Variants in DOCK5 observed in about 807,000 individuals in gnomAD.
The protein encoded by DOCK5 is dedicator of cytokinesis protein 5.
DOCK5 carries 142 observed loss-of-function variants against 251.8 expected under a neutral mutation model. That is an observed-to-expected ratio of 0.56 (90% confidence interval 0.49 to 0.65). The LOEUF (loss-of-function observed/expected upper bound fraction) is 0.65, where lower values mean the gene tolerates loss of function less well. Ranked by LOEUF, DOCK5 falls within the 30% of genes least tolerant of loss-of-function variation. The pLI, the probability that DOCK5 is intolerant of heterozygous loss-of-function variation, is 0.00. For synonymous variants in DOCK5, 842 were observed against 835.5 expected (o/e 1.01, Z -0.13); for missense variants, 2,111 against 2,312.3 (o/e 0.91, Z 1.79).
intron 34 of DOCK5, among the ~76,000 whole-genome samples, chr8:25,371,266 G>A (rs751553082): frequency 6.6e-6 from 1 of 152,112 alleles, no homozygotes; most frequent in Non-Finnish European, 1.5e-5. Context: ...TGGCCAGGGT[G>A]GTCTCCATCT....
chr8:25,190,913 A>G lies in DOCK5; in HGVS notation c.43+5962A>G, dbSNP rs571725185. ...ATTCTCCTGCCTCAGCCTCCCGCAT[A>G]GCTGTGACTACAGGCGCCCGCCACT... On this transcript the variant is annotated intron_variant, in intron 1 of 51. Transcript: ENST00000276440. Among the ~76,000 whole-genome samples, 10 of 151,354 alleles carry G rather than the reference A, an allele frequency of 6.6e-5. No homozygotes were observed. The East Asian group carries it at 1.8e-3, about 27-fold the overall frequency.
chr8:25,401,405 T>C (rs973159344), intron 47 of DOCK5, among the ~76,000 whole-genome samples: 6 of 152,180 alleles, frequency 3.9e-5, no homozygotes, highest in Non-Finnish European at 7.4e-5. Context: ...ATATTGATGC[T>C]GCTGGTCTGG....
intron 8 of DOCK5, among the ~76,000 whole-genome samples, chr8:25,299,645 G>A (rs1804709057): frequency 6.6e-6 from 1 of 152,112 alleles, no homozygotes; most frequent in Admixed American, 6.5e-5. Flanking sequence ...GAGAGAATAT[G>A]TTATGGGACT....
chr8:25,320,201 C>T (rs1266155897), intron 15 of DOCK5, among the ~76,000 whole-genome samples: 1 of 152,142 alleles, frequency 6.6e-6, no homozygotes, highest in East Asian at 1.9e-4. Context: ...GGTATCAGGG[C>T]CCAAACTAGA....
At chr8:25,359,796 C>T (rs1046263798) in intron 28 of DOCK5, among the ~76,000 whole-genome samples, 1 of 152,208 alleles carries the variant, frequency 6.6e-6, no homozygotes, top group African/African-American at 2.4e-5. Context: ...TTGGGGACTC[C>T]TGCTTTACAA....
intron 1 of DOCK5, among the ~76,000 whole-genome samples, chr8:25,226,258 CTTTTTT>C (rs1179597860): frequency 1.7e-5 from 2 of 116,946 alleles, no homozygotes; most frequent in Non-Finnish European, 3.4e-5. Flanking sequence ...GTATAGGCTG[CTTTTTT>C]TTTTTTTTTT....
intron 2 of DOCK5, among the ~76,000 whole-genome samples, chr8:25,251,608 G>T (rs978391482): frequency 2.0e-5 from 3 of 152,188 alleles, no homozygotes; most frequent in African/African-American, 7.2e-5. Context: ...TGTGAGTAGG[G>T]ACAGTGGGCA....
chr8:25,279,108 C>T (rs536293562), intron 5 of DOCK5, among the ~76,000 whole-genome samples: 4 of 152,140 alleles, frequency 2.6e-5, no homozygotes, highest in Non-Finnish European at 5.9e-5. Flanking sequence ...GGCTCAGCTG[C>T]ATGAGGATGA....
At chr8:25,393,337 C>T (rs1801293211) in intron 44 of DOCK5, among the ~76,000 whole-genome samples, 1 of 152,204 alleles carries the variant, frequency 6.6e-6, no homozygotes, top group Admixed American at 6.5e-5. Context: ...TTATTTCCCA[C>T]CTCCTCATTG....
At chr8:25,224,338 C>T (rs1355303498) in intron 1 of DOCK5, among the ~76,000 whole-genome samples, 2 of 152,084 alleles carry the variant, frequency 1.3e-5, no homozygotes, top group East Asian at 1.9e-4. Context: ...AGGCTGGTCT[C>T]GAACTCCTGG....
At chr8:25,275,549 C>A in intron 4 of DOCK5, 108 bp downstream of exon 4, 2 of 1,147,096 alleles carry the variant, frequency 1.7e-6, no homozygotes, top group Non-Finnish European at 2.5e-6. Context: ...GTTCTCTCAT[C>A]TCAGGCCAGG....
intron 11 of DOCK5, chr8:25,304,825 G>C (rs145525974): frequency 6.5e-6 from 1 of 152,706 alleles, no homozygotes; most frequent in Non-Finnish European, 1.5e-5. Context: ...CTGTAGCGAG[G>C]GTTTAGGAGA....
chr8:25,377,584 TG>T (rs941741241), intron 38 of DOCK5, among the ~76,000 whole-genome samples, 160 bp downstream of exon 38: 1 of 152,314 alleles, frequency 6.6e-6, no homozygotes, highest in Admixed American at 6.5e-5. Flanking sequence ...TCTTCAAATT[TG>T]GGGGTCCCCA....
At position 25,314,967 on chromosome 8, in the gene DOCK5, C is replaced by T. The variant is rs187512210; in HGVS notation, c.1319-2040C>T. Among the ~76,000 whole-genome samples, 208 of 149,540 alleles carry T rather than the reference C, an allele frequency of 1.4e-3. 2 individuals carry two copies. Among genetic ancestry groups the T allele is most frequent in the African/African-American group, 2.8e-3 (115 of 40,872 alleles). ...CTACGATGACCTCTTCCCTGGACAA[C>T]TGCCGTAGCTTCCTACCTGGTTTTC... On this transcript the variant is annotated intron_variant, in intron 13 of 51. Coordinates refer to ENST00000276440, the MANE Select transcript of DOCK5 (RefSeq NM_024940.8).
intron 42 of DOCK5, among the ~76,000 whole-genome samples, chr8:25,390,862 T>G (rs1801245231): frequency 6.6e-6 from 1 of 151,606 alleles, no homozygotes; most frequent in Non-Finnish European, 1.5e-5. Flanking sequence ...CAGGCTGGAG[T>G]ACAGTGCGTG....
intron 40 of DOCK5, among the ~76,000 whole-genome samples, chr8:25,387,127 C>T (rs1240436580): frequency 6.6e-6 from 1 of 151,836 alleles, no homozygotes; most frequent in Non-Finnish European, 1.5e-5. Context: ...AATGAGATCT[C>T]ATTATCTCTT....
intron 14 of DOCK5, 92 bp downstream of exon 14, chr8:25,317,223 C>T: frequency 6.5e-7 from 1 of 1,542,942 alleles, no homozygotes; most frequent in South Asian, 1.2e-5. Context: ...TTCTTTGCAT[C>T]AGGATGGGTT....
chr8:25,296,430 C>T (rs113835979), intron 6 of DOCK5, 83 bp from the exon 7 acceptor site: 71 of 1,512,684 alleles, frequency 4.7e-5, no homozygotes, highest in Non-Finnish European at 6.3e-5. Context: ...AACTATGGAT[C>T]CTCTGGGCTC....
intron 44 of DOCK5, 33 bp from the exon 45 acceptor site, chr8:25,395,509 GT>G: frequency 6.3e-7 from 1 of 1,586,426 alleles, no homozygotes; most frequent in Non-Finnish European, 8.5e-7. Context: ...GAGCTGACAA[GT>G]GTCCTCTTTC....
Sources: allele counts gnomAD v4.1 joint callset (sites outside exome capture counted in the v4.1 genomes callset), GRCh38; gene constraint gnomAD v4.1.1; transcripts MANE v1.5; gene names NCBI Gene and HGNC (gene_info 2026-07-23, HGNC 2026-07-21).